The following CNTLN variants were observed in gnomAD, a reference collection of about 807,000 sequenced individuals.
CNTLN encodes the protein centlein.
Under a neutral mutation model 180.0 loss-of-function variants are expected in CNTLN, and 212 were observed. The observed-to-expected ratio is 1.18, with a 90% CI of 1.05 to 1.32. The LOEUF is 1.32. CNTLN is among the 40% of genes most tolerant of loss of function. The probability of loss-of-function intolerance (pLI) is 0.00; values close to 1 mark genes in which losing one functional copy is unlikely to be tolerated. For missense variants in CNTLN, 2,095 were observed against 1,610.9 expected, an observed-to-expected ratio of 1.30 and a Z score of -5.14; for synonymous variants, 722 against 563.1, an observed-to-expected ratio of 1.28 and a Z score of -3.99.
At chr9:17,351,193 T>C (rs1486049029) in intron 12 of CNTLN, among the ~76,000 whole-genome samples, 3 of 152,208 alleles carry the variant, frequency 2.0e-5, no homozygotes, top group Non-Finnish European at 2.9e-5. Flanking sequence ...TGCCAGCTTT[T>C]CCCCCTGAAA....
Position 17,235,626 on chromosome 9 carries a change from AG to A in CNTLN, c.535-31del, listed in dbSNP as rs1261253436. 4 of 1,449,178 alleles carry A rather than the reference AG, an allele frequency of 2.8e-6. No individual in the cohort carries two copies. In the African/African-American group the frequency reaches 6.6e-5, roughly 24 times the overall value. 89.8% of individuals were successfully genotyped at this position (1,449,178 alleles called of 1,614,324 possible). A position where few individuals can be genotyped will look rare whatever the true frequency, so the allele number is the denominator to read the frequency against. ...AAATACTGTTTTTCTTAGAAATAAA[AG>A]CTCACCAGTAATTTAAATTTTTTTC... is the stretch of plus-strand genomic sequence containing the variant. On this transcript the variant is annotated intron_variant, in intron 3 of 25. Transcript: ENST00000380647.
At chr9:17,345,729 A>G (rs1348183676) in intron 12 of CNTLN, among the ~76,000 whole-genome samples, 1 of 152,050 alleles carries the variant, frequency 6.6e-6, no homozygotes, top group Non-Finnish European at 1.5e-5. Context: ...TCATCACAAG[A>G]TGTGATAGGT....
At chr9:17,195,026 A>G (rs149040749) in intron 2 of CNTLN, among the ~76,000 whole-genome samples, 2,878 of 152,248 alleles carry the variant, frequency 0.019, 61 homozygotes, top group African/African-American at 0.05. Flanking sequence ...ATGGTCTCCC[A>G]CCGTGTCCCT....
rs983697226 is a variant in CNTLN at position 17,503,236 on chromosome 9, T to C, written c.*584T>C. On this transcript the variant is annotated 3_prime_UTR_variant, in exon 26 of 26. Transcript: ENST00000380647. ...AACTCTTTGGCAAAAACAAAAACAT[T>C]TTCTTCTTCTCTCTCTTAACTTCAC... 2 of 152,148 alleles carry C rather than the reference T, an allele frequency of 1.3e-5. No homozygotes were observed. Among genetic ancestry groups the C allele is most frequent in the African/African-American group, 4.8e-5 (2 of 41,426 alleles). The allele number at this position is 152,148 out of a possible 1,614,324, so 9.4% of individuals were successfully genotyped here. A position where few individuals can be genotyped will look rare whatever the true frequency, so the allele number is the denominator to read the frequency against.
At chr9:17,172,105 C>T (rs1033593056) in intron 2 of CNTLN, among the ~76,000 whole-genome samples, 9 of 151,794 alleles carry the variant, frequency 5.9e-5, no homozygotes, top group South Asian at 2.1e-4. Flanking sequence ...TGTGAGGTTG[C>T]GGCGGGTGGC....
the CNTLN span, among the ~76,000 whole-genome samples, chr9:17,525,589 C>A: frequency 6.6e-6 from 1 of 152,044 alleles, no homozygotes. Context: ...GTTTCTGTAG[C>A]TTGTTTAAAA....
chr9:17,185,277 A>C lies in CNTLN; in HGVS notation c.450-40926A>C, dbSNP rs980205627. Among the ~76,000 whole-genome samples the C allele has an allele frequency of 4.6e-5, 7 of 152,346 alleles. No homozygotes were observed. In the South Asian group the frequency reaches 1.0e-3, roughly 23 times the overall value. On this transcript the variant is annotated intron_variant, in intron 2 of 25. Transcript: ENST00000380647. Reference sequence around the variant, plus strand: ...TAGATAATATGTCTAAAACATGAGTAAATCAAAAGAATATCAAAAGTCATT... The same window carrying C: ...TAGATAATATGTCTAAAACATGAGTCAATCAAAAGAATATCAAAAGTCATT...
At chr9:17,177,817 G>A (rs932396906) in intron 2 of CNTLN, among the ~76,000 whole-genome samples, 5 of 152,130 alleles carry the variant, frequency 3.3e-5, no homozygotes, top group African/African-American at 7.2e-5. Context: ...TGCAAAGAGC[G>A]AAAGAACAAA....
chr9:17,504,030 C>G (rs1466199748), downstream of CNTLN: 1 of 152,302 alleles, frequency 6.6e-6, no homozygotes, highest in Non-Finnish European at 1.5e-5. Flanking sequence ...GCTTGGAATG[C>G]TACAGATAAC....
chr9:17,293,579 A>G (rs1480791999), intron 6 of CNTLN, among the ~76,000 whole-genome samples: 1 of 152,186 alleles, frequency 6.6e-6, no homozygotes, highest in Non-Finnish European at 1.5e-5. Context: ...AGCCACTGTG[A>G]GTGCTGTGGG....
chr9:17,379,617 C>A (rs10963073), intron 13 of CNTLN, among the ~76,000 whole-genome samples: 32,322 of 152,062 alleles, frequency 0.21, 3,873 homozygotes, highest in South Asian at 0.34. Context: ...AACCATTTTT[C>A]ATACATTTTG....
intron 19 of CNTLN, among the ~76,000 whole-genome samples, chr9:17,462,304 A>G (rs1226905030): frequency 6.6e-6 from 1 of 151,744 alleles, no homozygotes; most frequent in Non-Finnish European, 1.5e-5. Context: ...CAGCTGGAGT[A>G]CCTTGGTACA....
intron 2 of CNTLN, among the ~76,000 whole-genome samples, chr9:17,177,720 C>G (rs1036943172): frequency 3.9e-5 from 6 of 152,068 alleles, no homozygotes; most frequent in South Asian, 2.1e-4. Flanking sequence ...TCGATGGCTT[C>G]AGGACTGAAG....
intron 12 of CNTLN, among the ~76,000 whole-genome samples, chr9:17,349,631 C>T (rs1822197562): frequency 6.6e-6 from 1 of 152,008 alleles, no homozygotes. Flanking sequence ...GCTGCTATCG[C>T]ATAGGAATCT....
chr9:17,356,027 G>T (rs1301732575), intron 12 of CNTLN, among the ~76,000 whole-genome samples: 1 of 143,214 alleles, frequency 7.0e-6, no homozygotes, highest in East Asian at 2.0e-4. Context: ...TCACGCCACT[G>T]CACTCCAGCC....
Position 17,441,438 on chromosome 9 carries a change from G to A in CNTLN, c.3115-16086G>A, listed in dbSNP as rs184179356. Among the ~76,000 whole-genome samples the A allele has an allele frequency of 5.0e-4, 76 of 151,746 alleles. 1 individual carries two copies. Among genetic ancestry groups the A allele is most frequent in the East Asian group, 3.0e-3 (15 of 4,976 alleles). ...ACCAAATTACATGTGAGAAGTAAAC[G>A]TATGAATATTTTGTATGTGATTGAA... On this transcript the variant is annotated intron_variant, in intron 18 of 25. Coordinates refer to ENST00000380647, the MANE Select transcript of CNTLN (RefSeq NM_017738.4).
Position 17,253,866 on chromosome 9 carries a change from G to A in CNTLN, c.849+17278G>A, listed in dbSNP as rs557212459. 3.3e-5 allele frequency among the ~76,000 whole-genome samples: 5 copies of A among 151,112 alleles called. No individual in the cohort carries two copies. In the East Asian group the frequency reaches 7.8e-4, roughly 23 times the overall value. On this transcript the variant is annotated intron_variant, in intron 5 of 25. Coordinates refer to ENST00000380647, the MANE Select transcript of CNTLN (RefSeq NM_017738.4). Reference sequence around the variant, plus strand: ...TCTTGTCTAGTTTAAATTATTATAGGAAAGGTCCTTAATTTTTCCCCATTT... The same window carrying A: ...TCTTGTCTAGTTTAAATTATTATAGAAAAGGTCCTTAATTTTTCCCCATTT...
chr9:17,302,079 C>T, intron 7 of CNTLN: 1 of 978,240 alleles, frequency 1.0e-6, no homozygotes, highest in South Asian at 4.8e-5. Flanking sequence ...GTACTGACTA[C>T]ACATATGTGT....
chr9:17,500,216 T>A (rs1254896957), intron 25 of CNTLN, among the ~76,000 whole-genome samples: 2 of 152,156 alleles, frequency 1.3e-5, no homozygotes, highest in Admixed American at 6.6e-5. Context: ...CTCTGAGGCT[T>A]TGAGTTTTAT....
Sources: gnomAD v4.1 joint callset for allele counts (sites outside exome capture counted in the v4.1 genomes callset) on GRCh38, gnomAD v4.1.1 for gene constraint, MANE v1.5 for transcripts, NCBI Gene and HGNC (gene_info 2026-07-23, HGNC 2026-07-21) for gene names.